SLC24A1: variants seen among roughly 807,000 people sequenced by gnomAD.
SLC24A1 encodes sodium/potassium/calcium exchanger 1.
SLC24A1 carries 52 observed loss-of-function variants against 88.1 expected under a neutral mutation model. That is an observed-to-expected ratio of 0.59 (90% CI 0.47 to 0.74). SLC24A1 has a LOEUF of 0.74. SLC24A1 is among the 30% of genes least tolerant of loss of function. The pLI, the probability that SLC24A1 is intolerant of heterozygous loss-of-function variation, is 0.00. For missense variants in SLC24A1, 1,173 were observed against 1,363.3 expected, an observed-to-expected ratio of 0.86 and a Z score of 2.20; for synonymous variants, 455 against 498.0, an observed-to-expected ratio of 0.91 and a Z score of 1.15.
At chr15:65,626,044 G>A (rs2074503809) in intron 2 of SLC24A1, 74 bp downstream of exon 2, 3 of 1,068,694 alleles carry the variant, frequency 2.8e-6, no homozygotes, top group Non-Finnish European at 4.4e-6. Context: ...GACCTGAAGA[G>A]AAGGTGCTGG....
chr15:65,633,918 A>T (rs1392232529), intron 2 of SLC24A1, among the ~76,000 whole-genome samples: 1 of 152,062 alleles, frequency 6.6e-6, no homozygotes, highest in Non-Finnish European at 1.5e-5. Flanking sequence ...GCTGGAAGAG[A>T]AACAGATCAG....
chr15:65,612,191 G>A (rs778150856), intron 1 of SLC24A1: 5 of 152,368 alleles, frequency 3.3e-5, no homozygotes, highest in Non-Finnish European at 5.9e-5. Context: ...ACCATGTAGG[G>A]AGCCAGGGAA....
intron 2 of SLC24A1, among the ~76,000 whole-genome samples, chr15:65,632,322 T>C (rs576029527): frequency 2.0e-5 from 3 of 152,158 alleles, no homozygotes; most frequent in African/African-American, 7.2e-5. Flanking sequence ...GTGAAGTGGA[T>C]ATGGAGGGTG....
upstream of SLC24A1, among the ~76,000 whole-genome samples, chr15:65,619,877 A>T (rs538619793): frequency 6.6e-6 from 1 of 151,910 alleles, no homozygotes; most frequent in South Asian, 2.1e-4. Context: ...GAGGGTATAA[A>T]ATGAGGCAAT....
chr15:65,618,865 T>A (rs550876824), upstream of SLC24A1: 7 of 152,416 alleles, frequency 4.6e-5, no homozygotes, highest in African/African-American at 1.4e-4. Flanking sequence ...ATCACCTCTC[T>A]GACCTTTTCT....
rs570695111 is a variant in SLC24A1, at chr15:65,639,238, T to C, written c.1945-357T>C. 4.6e-5 allele frequency among the ~76,000 whole-genome samples: 7 copies of C among 152,338 alleles called. No homozygotes were observed. The East Asian group carries it at 1.3e-3, about 29-fold the overall frequency. ...TGGACTGTAAAGGGCTGTAGCCATG[T>C]GCAGTGGGTCTGTCTGTGTGGTGTG... On this transcript the variant is annotated intron_variant, in intron 3 of 9. Transcript: ENST00000261892.
intron 6 of SLC24A1, among the ~76,000 whole-genome samples, chr15:65,646,325 C>T (rs1335087977): frequency 6.6e-6 from 1 of 152,096 alleles, no homozygotes; most frequent in Non-Finnish European, 1.5e-5. Flanking sequence ...GATCCACCCA[C>T]CTTGGCCTCC....
rs976240908 is a variant in SLC24A1, at chr15:65,624,068, A to G, written c.-13A>G. 7.1e-6 allele frequency: 11 copies of G among 1,558,982 alleles called. No individual in the cohort carries two copies. Among genetic ancestry groups the G allele is most frequent in the Non-Finnish European group, 8.7e-6 (10 of 1,155,470 alleles). On this transcript the variant is annotated 5_prime_UTR_variant, in exon 2 of 10. In the 5' UTR this introduces an upstream ATG that the reference lacks. Coordinates refer to ENST00000261892, the MANE Select transcript of SLC24A1 (RefSeq NM_004727.3). Reference sequence around the variant, plus strand: ...AATGAGAGGCCTTCTGTAACCAGATATAACTGGCCAGCATGGGGAAATTGA... The same window carrying G: ...AATGAGAGGCCTTCTGTAACCAGATGTAACTGGCCAGCATGGGGAAATTGA...
chr15:65,637,648 C>G (rs1182002455), intron 2 of SLC24A1, among the ~76,000 whole-genome samples: 2 of 152,196 alleles, frequency 1.3e-5, no homozygotes, highest in Non-Finnish European at 2.9e-5. Flanking sequence ...AACAGTCTAC[C>G]TTCAAGATGC....
chr15:65,652,000 G>A, intron 8 of SLC24A1: 2 of 495,054 alleles, frequency 4.0e-6, no homozygotes, highest in South Asian at 1.9e-5. Flanking sequence ...CCTGATTCCA[G>A]CTGAACTTGG....
At chr15:65,641,746 C>T (rs974546849) in intron 4 of SLC24A1, among the ~76,000 whole-genome samples, 15 of 152,300 alleles carry the variant, frequency 9.8e-5, no homozygotes, top group Non-Finnish European at 1.9e-4. Context: ...AGTGGCTACT[C>T]CCAGAGGAAT....
intron 2 of SLC24A1, among the ~76,000 whole-genome samples, chr15:65,626,372 G>A (rs1317602799): frequency 1.3e-5 from 2 of 152,174 alleles, no homozygotes; most frequent in African/African-American, 4.8e-5. Flanking sequence ...AAGATGCCAG[G>A]CGAGGAAAAA....
intron 1 of SLC24A1, chr15:65,611,917 TC>T (rs1210740778): frequency 6.6e-6 from 1 of 152,300 alleles, no homozygotes; most frequent in African/African-American, 2.4e-5. Context: ...GCTTTGTATA[TC>T]CTTCTTAGCT....
intron 1 of SLC24A1, among the ~76,000 whole-genome samples, chr15:65,623,078 A>G (rs144015619): frequency 0.029 from 4,458 of 152,246 alleles, 93 homozygotes; most frequent in Non-Finnish European, 0.045. Flanking sequence ...CTCGCTCAAC[A>G]TTCCTGTGAC....
Position 65,639,602 on chromosome 15 carries a change from C to T in SLC24A1, c.1952C>T (p.Ser651Phe). 1.2e-6 allele frequency: 2 copies of T among 1,607,624 alleles called. No homozygotes were observed. Among genetic ancestry groups the T allele is most frequent in the Non-Finnish European group, 1.7e-6 (2 of 1,177,118 alleles). The change falls in exon 4 of 10, where the codon TCC (serine) becomes TTC (phenylalanine). Residue 651 changes from serine to phenylalanine, a missense_variant. Transcript: ENST00000261892. ...LQDNKKLKLP[S>F]LLTRGSSSTS... Reference sequence around the variant, plus strand: ...GGCTCTCCTCTTGCTCAGCTCCCGTCCTTGCTGACCCGAGGGAGCAGCTCG... The same window carrying T: ...GGCTCTCCTCTTGCTCAGCTCCCGTTCTTGCTGACCCGAGGGAGCAGCTCG...
Position 65,650,314 on chromosome 15 carries a change from G to A in SLC24A1, c.2233-68G>A. ...CTGAGAAGCACGCCAACAAAAAAATGGGGGAGTAACATAAGGAAAACAAGC... is the reference window on the plus strand; with the variant it reads ...CTGAGAAGCACGCCAACAAAAAAATAGGGGAGTAACATAAGGAAAACAAGC... On this transcript the variant is annotated intron_variant, in intron 6 of 9. Transcript: ENST00000261892. This position sits in a 1 kb window ranked among gnomAD's most constrained non-coding sequence, Gnocchi z 4.1. 1.5e-6 allele frequency: 2 copies of A among 1,315,912 alleles called. No homozygotes were observed. The allele number at this position is 1,315,912 out of a possible 1,614,324, so 81.5% of individuals were successfully genotyped here.
rs116886540 is a variant in SLC24A1 at position 65,655,583 on chromosome 15, C to T, written c.*1504C>T. The T allele has an allele frequency of 5.3e-3, 5,206 of 985,330 alleles. 18 individuals are homozygous for T. The highest frequency in any genetic ancestry group is 0.016 in the East Asian group (145 of 8,814). 61.0% of individuals were successfully genotyped at this position (985,330 alleles called of 1,614,324 possible). Reference sequence around the variant, plus strand: ...TTAGAAATAGAACAGCTTAATATCACTGGCTTCAGAGCAAAATGAGCTCGG... The same window carrying T: ...TTAGAAATAGAACAGCTTAATATCATTGGCTTCAGAGCAAAATGAGCTCGG... On this transcript the variant is annotated 3_prime_UTR_variant, in exon 10 of 10. Coordinates refer to ENST00000261892, the MANE Select transcript of SLC24A1 (RefSeq NM_004727.3).
At chr15:65,619,242 T>C (rs1314885764), upstream of SLC24A1, among the ~76,000 whole-genome samples, 1 of 152,256 alleles carries the variant, frequency 6.6e-6, no homozygotes, top group Non-Finnish European at 1.5e-5. Context: ...GTTTCATAAA[T>C]GAGGAGCCTG....
chr15:65,614,084 A>C (rs1481618939), intron 2 of SLC24A1, among the ~76,000 whole-genome samples: 2 of 152,128 alleles, frequency 1.3e-5, no homozygotes, highest in Non-Finnish European at 2.9e-5. Context: ...TGTCTTCTGA[A>C]AAAAAATTTT....
Sources: gnomAD v4.1 joint callset for allele counts (sites outside exome capture counted in the v4.1 genomes callset) on GRCh38, gnomAD v4.1.1 for gene constraint, Gnocchi (gnomAD v3.1) non-coding constraint, MANE v1.5 for transcripts, NCBI Gene and HGNC (gene_info 2026-07-23, HGNC 2026-07-21) for gene names.